RFX3: variants seen among roughly 807,000 people sequenced by gnomAD.
The protein encoded by RFX3 is regulatory factor X3.
Under a neutral mutation model 98.6 loss-of-function variants are expected in RFX3, and 14 were observed. The ratio of observed to expected loss-of-function variants is 0.14; its 90% CI spans 0.09 to 0.22. The LOEUF (loss-of-function observed/expected upper bound fraction) is 0.22. Among genes scored for constraint, RFX3 ranks in the 10% least tolerant of loss-of-function variants. RFX3 has a pLI of 1.00. For missense variants in RFX3, 639 were observed against 926.9 expected (o/e 0.69, Z 4.03); for synonymous variants, 383 against 328.4 (o/e 1.17, Z -1.80).
At chr9:3,319,033 A>C (rs377206230) in intron 4 of RFX3, among the ~76,000 whole-genome samples, 3 of 152,256 alleles carry the variant, frequency 2.0e-5, no homozygotes, top group East Asian at 1.9e-4. Flanking sequence ...ATTACCCCTC[A>C]GAAATTTGCT....
At chr9:3,284,990 T>C (rs549872160) in intron 7 of RFX3, among the ~76,000 whole-genome samples, 8 of 151,856 alleles carry the variant, frequency 5.3e-5, no homozygotes, top group African/African-American at 1.2e-4. Flanking sequence ...TGACACCTTG[T>C]ATAAAGGAGC....
At chr9:3,410,669 C>T (rs1236135516) in intron 1 of RFX3, among the ~76,000 whole-genome samples, 2 of 152,148 alleles carry the variant, frequency 1.3e-5, no homozygotes, top group African/African-American at 4.8e-5. Context: ...ATGAAATGCT[C>T]GTAAGGGTAA....
At chr9:3,388,377 G>C (rs965545100) in intron 2 of RFX3, among the ~76,000 whole-genome samples, 8 of 152,108 alleles carry the variant, frequency 5.3e-5, no homozygotes, top group African/African-American at 1.4e-4. Context: ...ACTCTGGTTA[G>C]ATTTGTTCCC....
chr9:3,354,226 G>A (rs1229267761), intron 2 of RFX3, among the ~76,000 whole-genome samples: 1 of 151,956 alleles, frequency 6.6e-6, no homozygotes, highest in Non-Finnish European at 1.5e-5. Flanking sequence ...ACTGAATAAA[G>A]AGTGGTAGAT....
intron 1 of RFX3, among the ~76,000 whole-genome samples, chr9:3,449,845 G>A (rs998906992): frequency 5.4e-5 from 8 of 149,176 alleles, no homozygotes; most frequent in Middle Eastern, 6.9e-3. Flanking sequence ...TCCAGCCTGG[G>A]CAACTGAGCG....
Position 3,221,134 on chromosome 9 carries a change from TTTTC to T in RFX3, c.*3904_*3907del, listed in dbSNP as rs1817321975. The T allele has an allele frequency of 6.6e-6, 1 of 152,128 alleles. No homozygotes were observed. Among genetic ancestry groups the T allele is most frequent in the African/African-American group, 2.4e-5 (1 of 41,430 alleles). 9.4% of individuals were successfully genotyped at this position (152,128 alleles called of 1,614,324 possible). ...GTACACAAAGGTGACTTGCCAAGTT[TTTTC>T]TTTCTACTTGTGTCCACACAGGGAG... is the stretch of plus-strand genomic sequence containing the variant. On this transcript the variant is annotated 3_prime_UTR_variant, in exon 17 of 17. Transcript: ENST00000617270.
intron 14 of RFX3, among the ~76,000 whole-genome samples, chr9:3,254,258 A>G (rs1037034787): frequency 2.6e-5 from 4 of 151,680 alleles, no homozygotes; most frequent in African/African-American, 9.7e-5. Context: ...CTAAAATGAC[A>G]TCAACTAAAT....
Position 3,395,568 on chromosome 9 carries a change from C to A in RFX3, c.21G>T (p.Gly7=), listed in dbSNP as rs968884259. 1.2e-6 allele frequency: 2 copies of A among 1,614,062 alleles called. No individual in the cohort carries two copies. The highest frequency in any genetic ancestry group is 1.7e-6 in the Non-Finnish European group (2 of 1,179,962). Residue 7 remains glycine, a synonymous_variant, in exon 2 of 17, where the codon GGG becomes GGT. Transcript: ENST00000617270. MQTSET[G]SDTGSTVTLQ... is the part of the protein sequence containing the mutation. ...AGGTCACTGTCGAGCCTGTGTCCGACCCAGTCTCTGATGTCTGCATGATGG... is the reference window on the plus strand; with the variant it reads ...AGGTCACTGTCGAGCCTGTGTCCGAACCAGTCTCTGATGTCTGCATGATGG...
rs577889764 is a variant in RFX3, at chr9:3,260,814, AGAT to A, written c.1605+2118_1605+2120del. ...TGTGTATGTGTTTTTCTAGATGGAT[AGAT>A]GATATTTTTTAAAACTTCATATATA... On this transcript the variant is annotated intron_variant, in intron 13 of 16. Transcript: ENST00000617270. Among the ~76,000 whole-genome samples, 145 of 150,834 alleles carry A rather than the reference AGAT, an allele frequency of 9.6e-4. No individual in the cohort carries two copies. The Middle Eastern group carries it at 0.01, about 11-fold the overall frequency.
intron 1 of RFX3, among the ~76,000 whole-genome samples, chr9:3,478,100 T>C (rs946082335): frequency 9.9e-5 from 15 of 152,186 alleles, no homozygotes; most frequent in African/African-American, 3.1e-4. Flanking sequence ...GTATTTGTAA[T>C]AGCTAACTTA....
intron 11 of RFX3, 80 bp downstream of exon 11, chr9:3,270,291 A>G (rs1824259485): frequency 7.4e-7 from 1 of 1,352,316 alleles, no homozygotes; most frequent in South Asian, 1.4e-5. Flanking sequence ...ATCATTCTAG[A>G]TTGCAATGTC....
At chr9:3,412,663 C>CT (rs1189342433) in intron 1 of RFX3, among the ~76,000 whole-genome samples, 6 of 152,070 alleles carry the variant, frequency 3.9e-5, no homozygotes, top group Admixed American at 3.9e-4. Flanking sequence ...GCAGTAAAAG[C>CT]TATCACCTGG....
At chr9:3,400,191 G>T in intron 1 of RFX3, 2 of 968,540 alleles carry the variant, frequency 2.1e-6, no homozygotes, top group Non-Finnish European at 2.5e-6. Context: ...AGGCCATACA[G>T]ACGCTGCACA....
At chr9:3,366,713 T>TCTTTCTTTCTTTCTTTCTTTC (rs1563994208) in intron 2 of RFX3, among the ~76,000 whole-genome samples, 5 of 138,978 alleles carry the variant, frequency 3.6e-5, no homozygotes, top group African/African-American at 1.3e-4. Context: ...TTTCTTTCTT[T>TCTTTCTTTCTTTCTTTCTTTC]CTTTCTTTCT....
At chr9:3,492,379 C>T (rs1479761941) in intron 1 of RFX3, among the ~76,000 whole-genome samples, 1 of 152,252 alleles carries the variant, frequency 6.6e-6, no homozygotes, top group East Asian at 1.9e-4. Flanking sequence ...GGGCCCATTG[C>T]CCTTGGGCCA....
At chr9:3,236,859 G>C (rs1188688908) in intron 15 of RFX3, among the ~76,000 whole-genome samples, 3 of 152,160 alleles carry the variant, frequency 2.0e-5, no homozygotes, top group Non-Finnish European at 4.4e-5. Context: ...CAAATGTAGG[G>C]GAGAAAATAT....
intron 3 of RFX3, among the ~76,000 whole-genome samples, chr9:3,333,692 A>G (rs938810710): frequency 3.3e-5 from 5 of 152,184 alleles, no homozygotes; most frequent in Admixed American, 2.0e-4. Flanking sequence ...TTGATATTTA[A>G]GTATAGTCAA....
At chr9:3,509,422 C>A (rs942077018) in intron 1 of RFX3, among the ~76,000 whole-genome samples, 5 of 151,780 alleles carry the variant, frequency 3.3e-5, no homozygotes, top group African/African-American at 1.2e-4. Flanking sequence ...GACGTGCATA[C>A]CAGGACTGAA....
chr9:3,501,964 A>G (rs10814185), intron 1 of RFX3, among the ~76,000 whole-genome samples: 136,671 of 151,958 alleles, frequency 0.9, 61,665 homozygotes, highest in East Asian at 1. Flanking sequence ...ATCAAAAATC[A>G]CTTTCGGCCA....
Sources: allele counts gnomAD v4.1 joint callset (sites outside exome capture counted in the v4.1 genomes callset), GRCh38; gene constraint gnomAD v4.1.1; transcripts MANE v1.5; gene names NCBI Gene and HGNC (gene_info 2026-07-23, HGNC 2026-07-21).